Variants in NEMP1 observed in about 807,000 individuals in gnomAD.
NEMP1 encodes the protein transmembrane protein 194.
A neutral mutation model predicts 53.7 loss-of-function variants in NEMP1; 29 were observed. That is an observed-to-expected ratio of 0.54 (90% CI 0.40 to 0.74). The LOEUF is 0.74. Among genes scored for constraint, NEMP1 ranks in the 30% least tolerant of loss-of-function variants. The pLI is 0.00. For synonymous variants in NEMP1, 193 were observed against 192.9 expected (o/e 1.00, Z 0.00); for missense variants, 477 against 528.6 (o/e 0.90, Z 0.96).
chr12:57,088,623 T>C (rs527539806), upstream of NEMP1, among the ~76,000 whole-genome samples: 114 of 152,252 alleles, frequency 7.5e-4, no homozygotes, highest in Non-Finnish European at 1.4e-3. Flanking sequence ...TTTGTGTACT[T>C]GTGCGTGGTT....
intron 7 of NEMP1, among the ~76,000 whole-genome samples, chr12:57,062,480 AAAAAAAAAATCT>A (rs1289358377): frequency 1.3e-5 from 2 of 148,198 alleles, no homozygotes; most frequent in Non-Finnish European, 3.0e-5. Flanking sequence ...ACTCTGTCTC[AAAAAAAAAATCT>A]GAACCCAGGA....
At chr12:57,070,378 G>C (rs2032287461) in intron 3 of NEMP1, among the ~76,000 whole-genome samples, 1 of 152,186 alleles carries the variant, frequency 6.6e-6, no homozygotes, top group Admixed American at 6.5e-5. Context: ...AAGAGTATTT[G>C]GCATATATGC....
At chr12:57,077,389 T>A (rs1343134442) in intron 1 of NEMP1, among the ~76,000 whole-genome samples, 1 of 149,576 alleles carries the variant, frequency 6.7e-6, no homozygotes, top group African/African-American at 2.5e-5. Context: ...TCCCAGCTAC[T>A]CAGGAGGCTG....
intron 1 of NEMP1, among the ~76,000 whole-genome samples, chr12:57,074,115 T>C (rs113094827): frequency 0.1 from 15,240 of 151,548 alleles, 821 homozygotes; most frequent in East Asian, 0.19. Flanking sequence ...ACTACAGGTA[T>C]ACACCACCAC....
chr12:57,087,719 G>A (rs1162727869), intron 1 of NEMP1, among the ~76,000 whole-genome samples: 1 of 151,960 alleles, frequency 6.6e-6, no homozygotes, highest in South Asian at 2.1e-4. Flanking sequence ...CCCGGTCCAC[G>A]GCCTCCACGC....
At chr12:57,067,063 C>T (rs1438663614) in intron 4 of NEMP1, among the ~76,000 whole-genome samples, 1 of 152,172 alleles carries the variant, frequency 6.6e-6, no homozygotes, top group African/African-American at 2.4e-5. Context: ...CAGTGGCTCA[C>T]GCCTGTAATC....
chr12:57,087,273 C>A (rs1476476878), intron 1 of NEMP1, among the ~76,000 whole-genome samples: 3 of 152,222 alleles, frequency 2.0e-5, no homozygotes, highest in African/African-American at 7.2e-5. Flanking sequence ...CCCTCCAGAT[C>A]CTAAGGCTCA....
chr12:57,082,998 A>C (rs1165541132), upstream of NEMP1, among the ~76,000 whole-genome samples: 1 of 152,208 alleles, frequency 6.6e-6, no homozygotes, highest in Non-Finnish European at 1.5e-5. Context: ...AGCCTAGGTG[A>C]CAGAGTGAGA....
Position 57,078,757 on chromosome 12 carries a change from G to C in NEMP1, c.-12C>G. On this transcript the variant is annotated 5_prime_UTR_variant, in exon 1 of 9. Transcript: ENST00000300128. ...ATTCCTCCCGCCATGGTTGCCTCAAGCCACCTCCTCCTCACGTGCCTTACC... is the reference window on the plus strand; with the variant it reads ...ATTCCTCCCGCCATGGTTGCCTCAACCCACCTCCTCCTCACGTGCCTTACC... The C allele has an allele frequency of 1.2e-6, 2 of 1,608,058 alleles. No individual in the cohort carries two copies. Among genetic ancestry groups the C allele is most frequent in the Non-Finnish European group, 1.7e-6 (2 of 1,175,874 alleles).
At chr12:57,060,203 C>G in intron 8 of NEMP1, 144 bp from the exon 9 acceptor site, 1 of 762,878 alleles carries the variant, frequency 1.3e-6, no homozygotes, top group South Asian at 1.9e-5. Context: ...CTTACTCTGG[C>G]AGGTAAGTAG....
intron 1 of NEMP1, among the ~76,000 whole-genome samples, chr12:57,077,294 T>G (rs1193809333): frequency 6.9e-6 from 1 of 144,148 alleles, no homozygotes; most frequent in East Asian, 2.0e-4. Context: ...ATCTGGCCAC[T>G]GCACTCCAGC....
In NEMP1 at chr12:57,073,018, A is replaced by G. The variant is rs976720066; in HGVS notation, c.128-106T>C. 5.0e-6 allele frequency: 5 copies of G among 1,009,828 alleles called. No homozygotes were observed. The African/African-American group carries it at 8.1e-5, about 16-fold the overall frequency. The allele number at this position is 1,009,828 out of a possible 1,614,324, so 62.6% of individuals were successfully genotyped here. ...CCATTTTCCTAAACTTTGGGTTAAA[A>G]CATTAGCCAGACTGAGAAATAAGAA... On this transcript the variant is annotated intron_variant, in intron 1 of 8. Transcript: ENST00000300128.
rs762686042 is a variant in NEMP1, at chr12:57,078,770, C to G, written c.-25G>C. The G allele has an allele frequency of 2.5e-6, 4 of 1,601,572 alleles. No individual in the cohort carries two copies. The highest frequency in any genetic ancestry group is 3.4e-6 in the Non-Finnish European group (4 of 1,171,872). On this transcript the variant is annotated 5_prime_UTR_variant, in exon 1 of 9. Coordinates refer to ENST00000300128, the MANE Select transcript of NEMP1 (RefSeq NM_001130963.2). ...TGGTTGCCTCAAGCCACCTCCTCCTCACGTGCCTTACCCCAGCAACTAACT... is the reference window on the plus strand; with the variant it reads ...TGGTTGCCTCAAGCCACCTCCTCCTGACGTGCCTTACCCCAGCAACTAACT...
upstream of NEMP1, among the ~76,000 whole-genome samples, chr12:57,079,004 TA>T (rs922767483): frequency 3.3e-5 from 5 of 152,234 alleles, no homozygotes; most frequent in African/African-American, 4.8e-5. Flanking sequence ...CCCACCCCGC[TA>T]ACAACATGCT....
intron 1 of NEMP1, among the ~76,000 whole-genome samples, chr12:57,076,438 C>T (rs532443924): frequency 2.0e-5 from 3 of 150,616 alleles, no homozygotes; most frequent in South Asian, 2.1e-4. Context: ...CTGAGGCGGG[C>T]GGAACACCTG....
rs1164047845 is a variant in NEMP1 at position 57,058,041 on chromosome 12, A to G, written c.*1838T>C. 1 of 152,248 alleles carries G rather than the reference A, an allele frequency of 6.6e-6. No homozygotes were observed. The highest frequency in any genetic ancestry group is 1.5e-5 in the Non-Finnish European group (1 of 68,044). 9.4% of individuals were successfully genotyped at this position (152,248 alleles called of 1,614,324 possible). ...GAGAGAACATTTTACCATGTACATA[A>G]TTCACAAGGGTATAAAGGTTTCCCA... On this transcript the variant is annotated 3_prime_UTR_variant, in exon 9 of 9. Coordinates refer to ENST00000300128, the MANE Select transcript of NEMP1 (RefSeq NM_001130963.2).
chr12:57,059,406 T>C lies in NEMP1; in HGVS notation c.*473A>G, dbSNP rs566554643. The stretch of plus-strand genomic sequence containing the variant: ...CTCCCAAAACAGTTAAATCAATAAT[T>C]ATTCTAAAGTCACTGAAATAAAAGC... On this transcript the variant is annotated 3_prime_UTR_variant, in exon 9 of 9. Transcript: ENST00000300128. 3 of 152,710 alleles carry C rather than the reference T, an allele frequency of 2.0e-5. No homozygotes were observed. The highest frequency in any genetic ancestry group is 4.4e-5 in the Non-Finnish European group (3 of 68,300). 9.5% of individuals were successfully genotyped at this position (152,710 alleles called of 1,614,324 possible).
At chr12:57,087,438 A>T (rs1030090372) in intron 1 of NEMP1, among the ~76,000 whole-genome samples, 2 of 143,600 alleles carry the variant, frequency 1.4e-5, no homozygotes, top group Admixed American at 1.4e-4. Flanking sequence ...GATCCAAAAT[A>T]ACCTGAGGTG....
chr12:57,060,304 C>G (rs989042765), intron 8 of NEMP1, among the ~76,000 whole-genome samples: 3 of 152,176 alleles, frequency 2.0e-5, no homozygotes, highest in Admixed American at 2.0e-4. Context: ...ACTTGCCTAT[C>G]CTTTCTAATT....
Sources: allele counts gnomAD v4.1 joint callset (sites outside exome capture counted in the v4.1 genomes callset), GRCh38; gene constraint gnomAD v4.1.1; transcripts MANE v1.5; gene names NCBI Gene and HGNC (gene_info 2026-07-23, HGNC 2026-07-21).